Variants in PUDP observed in about 807,000 individuals in gnomAD.
The protein encoded by PUDP is pseudouridine-5'-phosphatase.
A neutral mutation model predicts 9.4 loss-of-function variants in PUDP; 8 were observed. That is an observed-to-expected ratio of 0.85 (90% CI 0.50 to 1.53). The LOEUF (loss-of-function observed/expected upper bound fraction) is 1.53, where lower values mean the gene tolerates loss of function less well. PUDP is among the 40% of genes most tolerant of loss of function. PUDP has a pLI of 0.00. For synonymous variants in PUDP, 99 were observed against 80.7 expected (o/e 1.23, Z -1.22); for missense variants, 188 against 189.7 (o/e 0.99, Z 0.05).
At chrX:6,706,795 C>T (rs1338754806) in intron 1 of PUDP, among the ~76,000 whole-genome samples, 2 of 111,582 alleles carry the variant, frequency 1.8e-5, no homozygotes, top group African/African-American at 6.5e-5. Flanking sequence ...CAAGATGGCA[C>T]CAAAAAGAAT....
rs756874590 is a variant in PUDP, at chrX:7,008,494, C to G, written c.205-30151G>C. ...GGCTATGGCAGGGCACATTCTTTCT[C>G]TATAGCCCAGGTCACTGGCATTCAA... On this transcript the variant is annotated intron_variant and NMD_transcript_variant, in intron 1 of 3. Transcript: ENST00000655425. Among the ~76,000 whole-genome samples, 9 of 111,102 alleles carry G rather than the reference C, an allele frequency of 8.1e-5. No homozygotes were observed. The South Asian group carries it at 3.2e-3, about 39-fold the overall frequency.
At chrX:6,762,274 G>A (rs769875765) in intron 3 of PUDP, among the ~76,000 whole-genome samples, 1 of 112,069 alleles carries the variant, frequency 8.9e-6, no homozygotes, top group Non-Finnish European at 1.9e-5. Flanking sequence ...TTCAGTGTAC[G>A]TTAAAGATAA....
At chrX:6,849,352 G>GT (rs1286293299) in intron 3 of PUDP, among the ~76,000 whole-genome samples, 3 of 111,987 alleles carry the variant, frequency 2.7e-5, no homozygotes, top group African/African-American at 6.5e-5. Context: ...ATGAATATGA[G>GT]TTTTTTCAAT....
chrX:6,990,232 C>A (rs1257604012), intron 1 of PUDP, among the ~76,000 whole-genome samples: 2 of 111,426 alleles, frequency 1.8e-5, no homozygotes, highest in Admixed American at 9.5e-5. Flanking sequence ...TTGCCTTGAG[C>A]CTTTGCTTCT....
At chrX:6,821,448 C>T (rs1244799800) in intron 3 of PUDP, among the ~76,000 whole-genome samples, 3 of 110,840 alleles carry the variant, frequency 2.7e-5, no homozygotes, top group Non-Finnish European at 3.8e-5. Context: ...ATATCCTGAA[C>T]CCCAGCACTC....
upstream of PUDP, among the ~76,000 whole-genome samples, chrX:6,724,103 G>A (rs919732131): frequency 5.4e-5 from 6 of 110,912 alleles, no homozygotes; most frequent in South Asian, 3.8e-4. Flanking sequence ...TTTTATTTCC[G>A]TTAAACGGCA....
intron 3 of PUDP, among the ~76,000 whole-genome samples, chrX:6,936,879 C>T: frequency 1.1e-5 from 1 of 94,249 alleles, no homozygotes; most frequent in Non-Finnish European, 2.1e-5. Flanking sequence ...CTCCCATTCA[C>T]AATTGCTTCA....
chrX:7,129,242 C>T (rs140161629), intron 1 of PUDP, among the ~76,000 whole-genome samples: 1,222 of 112,256 alleles, frequency 0.011, 8 homozygotes, highest in Middle Eastern at 0.079. Context: ...ATGCCTTCTT[C>T]CTTTCCATTT....
At chrX:6,799,027 C>T (rs775457192) in intron 3 of PUDP, among the ~76,000 whole-genome samples, 23 of 112,361 alleles carry the variant, frequency 2.0e-4, no homozygotes, top group Non-Finnish European at 4.1e-4. Context: ...TCAAGTAATC[C>T]TCCCACCTCA....
At chrX:7,088,500 T>A (rs1163121667) in intron 2 of PUDP, among the ~76,000 whole-genome samples, 2 of 112,180 alleles carry the variant, frequency 1.8e-5, no homozygotes, top group African/African-American at 6.5e-5. Context: ...AATGACTCAA[T>A]ATTTCCCTGT....
chrX:7,002,984 C>G (rs1602709154), intron 1 of PUDP, among the ~76,000 whole-genome samples: 2 of 110,422 alleles, frequency 1.8e-5, no homozygotes, highest in South Asian at 8.1e-4. Context: ...ACCTCTCTGT[C>G]CACATATTCA....
chrX:6,997,810 T>G (rs1929271099), intron 1 of PUDP, among the ~76,000 whole-genome samples: 1 of 111,288 alleles, frequency 9.0e-6, no homozygotes, highest in Non-Finnish European at 1.9e-5. Context: ...CAATTTAGCT[T>G]TGAGAAAACA....
chrX:6,950,412 T>C (rs1452967104), intron 3 of PUDP, among the ~76,000 whole-genome samples: 42 of 92,157 alleles, frequency 4.6e-4, no homozygotes, highest in Admixed American at 8.1e-4. Flanking sequence ...ATTTCTTTTT[T>C]TTTTTTTTTT....
At chrX:7,082,316 A>G (rs1931120181) in intron 2 of PUDP, among the ~76,000 whole-genome samples, 1 of 112,500 alleles carries the variant, frequency 8.9e-6, no homozygotes, top group Admixed American at 9.4e-5. Flanking sequence ...AGGATTAAAC[A>G]AAGGAAAGAG....
At chrX:6,722,628 T>C (rs1264668854), upstream of PUDP, among the ~76,000 whole-genome samples, 1 of 111,257 alleles carries the variant, frequency 9.0e-6, no homozygotes, top group African/African-American at 3.3e-5. Flanking sequence ...AAGAAGACAT[T>C]GGAAACTACG....
chrX:6,836,435 T>C (rs143983341), intron 3 of PUDP, among the ~76,000 whole-genome samples: 2,270 of 112,211 alleles, frequency 0.02, 24 homozygotes, highest in Middle Eastern at 0.056. Context: ...AGGCATTTGT[T>C]TTCTGACTTT....
chrX:6,967,581 T>C (rs1323045338), intron 3 of PUDP, among the ~76,000 whole-genome samples: 2 of 111,061 alleles, frequency 1.8e-5, no homozygotes, highest in Non-Finnish European at 3.8e-5. Context: ...AACTCCTCAC[T>C]ACCCCATGTT....
chrX:6,957,637 T>A lies in PUDP; in HGVS notation c.*247+19496A>T, dbSNP rs750870156. On this transcript the variant is annotated intron_variant and NMD_transcript_variant, in intron 3 of 3. Transcript: ENST00000655425. ...AGAAAACTGGTACTTAGAAGTGGGG[T>A]TGCTTCTTTAACAAATACCTGAGAA... Among the ~76,000 whole-genome samples the A allele has an allele frequency of 1.4e-3, 161 of 112,003 alleles. 1 individual carries two copies. The highest frequency in any genetic ancestry group is 4.2e-3 in the Middle Eastern group (1 of 236).
chrX:7,096,537 GA>G (rs1181779195), intron 2 of PUDP, among the ~76,000 whole-genome samples: 3 of 105,065 alleles, frequency 2.9e-5, no homozygotes, highest in African/African-American at 3.5e-5. Context: ...TGTAATTAAA[GA>G]AAAAAAAAAG....
Sources: allele counts gnomAD v4.1 joint callset (sites outside exome capture counted in the v4.1 genomes callset), GRCh38; gene constraint gnomAD v4.1.1; transcripts MANE v1.5; gene names NCBI Gene and HGNC (gene_info 2026-07-23, HGNC 2026-07-21).